Variants in JARID2 observed in about 807,000 individuals in gnomAD.
JARID2 encodes the protein protein Jumonji.
Under a neutral mutation model 125.6 loss-of-function variants are expected in JARID2, and 21 were observed. That is an observed-to-expected ratio of 0.17 (90% CI 0.12 to 0.24). The LOEUF (loss-of-function observed/expected upper bound fraction) is 0.24. Ranked by LOEUF, JARID2 falls within the 10% of genes least tolerant of loss-of-function variation. JARID2 has a pLI of 1.00. For synonymous variants in JARID2, 736 were observed against 661.6 expected (o/e 1.11, Z -1.73); for missense variants, 1,303 against 1,639.6 (o/e 0.79, Z 3.55).
At chr6:15,444,045 G>GT (rs1255360163) in intron 3 of JARID2, among the ~76,000 whole-genome samples, 4 of 152,150 alleles carry the variant, frequency 2.6e-5, no homozygotes, top group Non-Finnish European at 1.5e-5. Flanking sequence ...ATATCCTGCG[G>GT]TTTTTTGCAT....
rs1286550085 is a variant in JARID2, at chr6:15,496,930, G to A, written c.1705G>A (p.Asp569Asn). The A allele has an allele frequency of 6.2e-7, 1 of 1,603,392 alleles. No individual in the cohort carries two copies. The highest frequency in any genetic ancestry group is 1.3e-5 in the African/African-American group (1 of 74,920). ...VLRPSAKEFH[D>N]PLIYIESVRA... is the part of the protein sequence containing the mutation. ...CAGGCCCTCCGCCAAGGAGTTCCACGATCCGCTCATCTACATCGAGTCGGT... is the reference window on the plus strand; with the variant it reads ...CAGGCCCTCCGCCAAGGAGTTCCACAATCCGCTCATCTACATCGAGTCGGT... The change falls in exon 7 of 18, where the codon GAT becomes AAT. Residue 569 changes from aspartate to asparagine, a missense_variant. Asp to Asn is a conservative substitution (Grantham distance 23). This residue lies in a region of JARID2 where 651 missense variants were observed against 581.6 expected (regional missense o/e 1.12). Coordinates refer to ENST00000341776, the MANE Select transcript of JARID2 (RefSeq NM_004973.4).
chr6:15,435,801 G>A (rs1019256405), intron 3 of JARID2, among the ~76,000 whole-genome samples: 1 of 151,892 alleles, frequency 6.6e-6, no homozygotes, highest in African/African-American at 2.4e-5. Context: ...TGGAGTTTCA[G>A]TGCCTTGAGG....
intron 4 of JARID2, among the ~76,000 whole-genome samples, chr6:15,453,905 G>A (rs1768033370): frequency 6.6e-6 from 1 of 152,142 alleles, no homozygotes; most frequent in Non-Finnish European, 1.5e-5. Flanking sequence ...GATAAGTGCT[G>A]TTGAGGAGCC....
chr6:15,491,434 C>T (rs868371741), intron 6 of JARID2, among the ~76,000 whole-genome samples: 11 of 152,242 alleles, frequency 7.2e-5, no homozygotes, highest in African/African-American at 1.4e-4. Flanking sequence ...CAGTGCATTT[C>T]GCTTCTGTTT....
chr6:15,340,240 G>C (rs12198692), intron 1 of JARID2, among the ~76,000 whole-genome samples: 8,018 of 152,238 alleles, frequency 0.053, 274 homozygotes, highest in South Asian at 0.11. Context: ...TTGAAGTGCT[G>C]AGCATGGCCT....
At chr6:15,262,285 C>T (rs887384643) in intron 1 of JARID2, among the ~76,000 whole-genome samples, 3 of 151,846 alleles carry the variant, frequency 2.0e-5, no homozygotes, top group African/African-American at 7.3e-5. Flanking sequence ...CAGCCTCTTA[C>T]ACCTACGAAT....
intron 3 of JARID2, among the ~76,000 whole-genome samples, chr6:15,441,161 G>GT (rs1410178922): frequency 2.0e-5 from 3 of 152,282 alleles, no homozygotes; most frequent in Non-Finnish European, 4.4e-5. Flanking sequence ...GATGCTGTGT[G>GT]TTTTATCTCT....
intron 1 of JARID2, among the ~76,000 whole-genome samples, chr6:15,252,429 C>G (rs1759493067): frequency 6.6e-6 from 1 of 152,116 alleles, no homozygotes; most frequent in African/African-American, 2.4e-5. Context: ...TCCCCGCATG[C>G]TAAACTGGAC....
intron 1 of JARID2, among the ~76,000 whole-genome samples, chr6:15,372,098 G>T (rs1764192898): frequency 6.6e-6 from 1 of 152,176 alleles, no homozygotes; most frequent in Admixed American, 6.5e-5. Context: ...TATGATGTTG[G>T]ATTTCTAAAA....
intron 12 of JARID2, among the ~76,000 whole-genome samples, chr6:15,510,890 T>C (rs1167750505): frequency 6.6e-6 from 1 of 152,266 alleles, no homozygotes; most frequent in Non-Finnish European, 1.5e-5. Context: ...GTGCTGCTCC[T>C]GCAGTGGCCT....
At chr6:15,318,224 G>A (rs1762242259) in intron 1 of JARID2, among the ~76,000 whole-genome samples, 2 of 151,682 alleles carry the variant, frequency 1.3e-5, no homozygotes, top group African/African-American at 4.8e-5. Context: ...AAAAAAAAAA[G>A]ATTAAACAAA....
At chr6:15,385,255 C>T (rs1325080837) in intron 2 of JARID2, among the ~76,000 whole-genome samples, 1 of 152,136 alleles carries the variant, frequency 6.6e-6, no homozygotes, top group East Asian at 1.9e-4. Flanking sequence ...TCTCTCCCTT[C>T]TGGTATCTAT....
At position 15,266,115 on chromosome 6, in the gene JARID2, T is replaced by C. The variant is rs367959336; in HGVS notation, c.45+19531T>C. ...TCTCAAAGAACTGTCACATATGCTC[T>C]CCTGGAGACATTTGTGTCTTCCCAT... is the stretch of plus-strand genomic sequence containing the variant. On this transcript the variant is annotated intron_variant, in intron 1 of 17. Coordinates refer to ENST00000341776, the MANE Select transcript of JARID2 (RefSeq NM_004973.4). Among the ~76,000 whole-genome samples the C allele has an allele frequency of 6.6e-5, 10 of 152,274 alleles. No homozygotes were observed. The South Asian group carries it at 1.2e-3, about 19-fold the overall frequency.
At chr6:15,324,095 C>T (rs1762451608) in intron 1 of JARID2, among the ~76,000 whole-genome samples, 1 of 151,138 alleles carries the variant, frequency 6.6e-6, no homozygotes, top group African/African-American at 2.4e-5. Flanking sequence ...AGGAGAATGG[C>T]ATGAACCGGG....
rs541087889 is a variant in JARID2 at position 15,266,377 on chromosome 6, C to G, written c.45+19793C>G. 3.3e-5 allele frequency among the ~76,000 whole-genome samples: 5 copies of G among 152,310 alleles called. No individual in the cohort carries two copies. In the South Asian group the frequency reaches 8.3e-4, roughly 25 times the overall value. On this transcript the variant is annotated intron_variant, in intron 1 of 17. Coordinates refer to ENST00000341776, the MANE Select transcript of JARID2 (RefSeq NM_004973.4). ...TACTTCTTAACGTCTTCCCAAATTCCTTCTCTTTCTCTTTCTTACCTGCAC... is the reference window on the plus strand; with the variant it reads ...TACTTCTTAACGTCTTCCCAAATTCGTTCTCTTTCTCTTTCTTACCTGCAC...
At position 15,452,266 on chromosome 6, in the gene JARID2, C is replaced by A. The variant is rs553101714; in HGVS notation, c.493+91C>A. 1.4e-5 allele frequency: 21 copies of A among 1,503,308 alleles called. 1 individual carries two copies. The East Asian group carries it at 4.9e-4, about 35-fold the overall frequency. The allele number at this position is 1,503,308 out of a possible 1,614,324, so 93.1% of individuals were successfully genotyped here. On this transcript the variant is annotated intron_variant, in intron 4 of 17. Coordinates refer to ENST00000341776, the MANE Select transcript of JARID2 (RefSeq NM_004973.4). Reference sequence around the variant, plus strand: ...GAGTAACCTTAGCTTTACTCTCTGCCATGTTCATTTTTCTGTCCCCAACCT... The same window carrying A: ...GAGTAACCTTAGCTTTACTCTCTGCAATGTTCATTTTTCTGTCCCCAACCT...
At chr6:15,269,283 G>C (rs569259491) in intron 1 of JARID2, among the ~76,000 whole-genome samples, 1 of 152,148 alleles carries the variant, frequency 6.6e-6, no homozygotes, top group Non-Finnish European at 1.5e-5. Context: ...TGTTGGGGGG[G>C]GCGGAAAGAA....
intron 1 of JARID2, among the ~76,000 whole-genome samples, chr6:15,286,823 C>G (rs1218460878): frequency 6.8e-6 from 1 of 147,978 alleles, no homozygotes; most frequent in African/African-American, 2.5e-5. Context: ...GACCATGCCA[C>G]TGCACTCCAG....
intron 2 of JARID2, among the ~76,000 whole-genome samples, chr6:15,392,707 G>C (rs932985645): frequency 6.9e-6 from 1 of 143,886 alleles, no homozygotes; most frequent in Non-Finnish European, 1.5e-5. Flanking sequence ...TTTGAGTCAG[G>C]GTTTCGCTTT....
Sources: allele counts gnomAD v4.1 joint callset (sites outside exome capture counted in the v4.1 genomes callset), GRCh38; gene constraint gnomAD v4.1.1; regional missense constraint gnomAD v4.1.1; transcripts MANE v1.5; gene names NCBI Gene and HGNC (gene_info 2026-07-23, HGNC 2026-07-21).